DDX60L: variants seen among roughly 807,000 people sequenced by gnomAD.
DDX60L encodes DExD/H-box 60 like.
In DDX60L, 191 loss-of-function variants were observed where a neutral mutation model predicts 211.6. The observed-to-expected ratio is 0.90, with a 90% CI of 0.80 to 1.02. The LOEUF (loss-of-function observed/expected upper bound fraction) is 1.02, where lower values mean the gene tolerates loss of function less well. Among genes scored for constraint, DDX60L ranks in the 50% least tolerant of loss-of-function variants. DDX60L has a pLI of 0.00. For synonymous variants in DDX60L, 706 were observed against 694.1 expected (o/e 1.02, Z -0.27); for missense variants, 2,007 against 1,984.1 (o/e 1.01, Z -0.22).
chr4:168,415,465 T>C lies in DDX60L; in HGVS notation c.2922A>G (p.Lys974=), dbSNP rs542113757. ...AATGATCAAAATAAACATCATCATG[T>C]TTTACTGAACATATATGCTTCTCTA... ...NDLEKHICSV[K]HDDVYFDHFH... Residue 974 remains lysine, a synonymous_variant, in exon 22 of 38, where the codon AAA becomes AAG. Transcript: ENST00000682922. The C allele has an allele frequency of 6.2e-7, 1 of 1,607,422 alleles. No individual in the cohort carries two copies. Among genetic ancestry groups the C allele is most frequent in the East Asian group, 2.2e-5 (1 of 44,486 alleles).
intron 36 of DDX60L, among the ~76,000 whole-genome samples, chr4:168,369,865 A>G (rs1740685056): frequency 6.6e-6 from 1 of 152,216 alleles, no homozygotes. Flanking sequence ...AACCACCATC[A>G]AATACCACCT....
intron 1 of DDX60L, among the ~76,000 whole-genome samples, chr4:168,475,197 T>C (rs1211094912): frequency 6.6e-6 from 1 of 152,214 alleles, no homozygotes; most frequent in Non-Finnish European, 1.5e-5. Context: ...GAATTTGGAA[T>C]ACTATTATTA....
chr4:168,379,336 G>A (rs898326314), intron 32 of DDX60L, 27 bp downstream of exon 32: 9 of 1,484,462 alleles, frequency 6.1e-6, no homozygotes, highest in African/African-American at 2.9e-5. Context: ...GCCATTTTTC[G>A]ACTACAGGTA....
chr4:168,391,423 A>T, intron 29 of DDX60L, 117 bp downstream of exon 29: 1 of 686,006 alleles, frequency 1.5e-6, no homozygotes, highest in Non-Finnish European at 2.6e-6. Context: ...ATGCTATGCC[A>T]CATAGAAAGT....
chr4:168,464,581 T>C (rs962433118), intron 4 of DDX60L, among the ~76,000 whole-genome samples: 1 of 152,008 alleles, frequency 6.6e-6, no homozygotes, highest in Non-Finnish European at 1.5e-5. Flanking sequence ...CCTGGACTAA[T>C]TGCACATATC....
At chr4:168,411,081 C>T (rs1387332) in intron 22 of DDX60L, among the ~76,000 whole-genome samples, 83,697 of 151,904 alleles carry the variant, frequency 0.55, 23,545 homozygotes, top group Middle Eastern at 0.63. Flanking sequence ...AGAATGTATA[C>T]ACACACAATT....
intron 37 of DDX60L, among the ~76,000 whole-genome samples, chr4:168,358,617 C>T (rs182930029): frequency 4.7e-5 from 7 of 149,808 alleles, no homozygotes; most frequent in African/African-American, 1.7e-4. Context: ...ACTGCAACCT[C>T]TGCCTCCTGG....
chr4:168,474,817 G>A (rs1561149060), intron 1 of DDX60L, among the ~76,000 whole-genome samples: 1 of 152,118 alleles, frequency 6.6e-6, no homozygotes, highest in African/African-American at 2.4e-5. Context: ...AACGAGTGGT[G>A]AAAATAATTG....
At chr4:168,404,291 T>C (rs1747359478) in intron 24 of DDX60L, among the ~76,000 whole-genome samples, 185 bp from the exon 25 acceptor site, 1 of 151,812 alleles carries the variant, frequency 6.6e-6, no homozygotes, top group Admixed American at 6.6e-5. Flanking sequence ...CAGACATCTC[T>C]ATACTAAAGA....
intron 29 of DDX60L, 101 bp from the exon 30 acceptor site, chr4:168,384,913 A>T (rs1046047374): frequency 2.4e-5 from 29 of 1,228,616 alleles, no homozygotes; most frequent in Non-Finnish European, 1.5e-5. Context: ...GATTGTGTTA[A>T]ATTGTGTATT....
Position 168,432,508 on chromosome 4 carries a change from T to C in DDX60L, c.1463A>G (p.His488Arg). Reference sequence around the variant, plus strand: ...GTCGTCACTAAGGAGTCTTTGAGCATGCCAGTGCAAAAGTTCATCAGATGT... The same window carrying C: ...GTCGTCACTAAGGAGTCTTTGAGCACGCCAGTGCAAAAGTTCATCAGATGT... The part of the protein sequence containing the change: ...QKTSDELLHW[H>R]AQRLLSDDYD... Residue 488 changes from histidine (H) to arginine (R), a missense_variant, in exon 12 of 38, where the codon CAT (histidine) becomes CGT (arginine). Physicochemically the swap from His to Arg is conservative, Grantham distance 29 (BLOSUM62 0). Coordinates refer to ENST00000682922, the MANE Select transcript of DDX60L (RefSeq NM_001012967.3). 2 of 1,588,578 alleles carry C rather than the reference T, an allele frequency of 1.3e-6. No homozygotes were observed. Among genetic ancestry groups the C allele is most frequent in the South Asian group, 1.1e-5 (1 of 87,776 alleles).
At chr4:168,373,159 C>T (rs958630621) in intron 35 of DDX60L, among the ~76,000 whole-genome samples, 1 of 152,092 alleles carries the variant, frequency 6.6e-6, no homozygotes, top group Non-Finnish European at 1.5e-5. Flanking sequence ...AGCCAGTGCA[C>T]AGTGTCAATC....
chr4:168,472,961 G>A (rs139401274), intron 1 of DDX60L, among the ~76,000 whole-genome samples, 152 bp from the exon 2 acceptor site: 137 of 152,254 alleles, frequency 9.0e-4, no homozygotes, highest in Non-Finnish European at 1.6e-3. Flanking sequence ...TCACAAATGT[G>A]ACAAAAGGCA....
chr4:168,361,337 A>G, intron 36 of DDX60L, 126 bp from the exon 37 acceptor site: 1 of 606,018 alleles, frequency 1.7e-6, no homozygotes, highest in Non-Finnish European at 2.9e-6. Flanking sequence ...CCAGTTAAGC[A>G]TTCTATTGTA....
Position 168,427,170 on chromosome 4 carries a change from A to T in DDX60L, c.1830T>A (p.Asp610Glu). Reference protein sequence around the residue: ...NLHSGIRKLEDYLTSCASNSV... With the variant: ...NLHSGIRKLEEYLTSCASNSV... ...AATTACTTGCACATGATGTCAAATAATCTTCCAATTTCCTTATTCCAGAAT... is the reference window on the plus strand; with the variant it reads ...AATTACTTGCACATGATGTCAAATATTCTTCCAATTTCCTTATTCCAGAAT... The change falls in exon 14 of 38, where the codon GAT becomes GAA. Residue 610 changes from aspartate to glutamate, a missense_variant. Coordinates refer to ENST00000682922, the MANE Select transcript of DDX60L (RefSeq NM_001012967.3). 3 of 1,611,874 alleles carry T rather than the reference A, an allele frequency of 1.9e-6. No individual in the cohort carries two copies. The highest frequency in any genetic ancestry group is 2.5e-6 in the Non-Finnish European group (3 of 1,178,566).
chr4:168,377,079 T>C (rs912041978), intron 33 of DDX60L, among the ~76,000 whole-genome samples: 2 of 152,160 alleles, frequency 1.3e-5, no homozygotes, highest in South Asian at 2.1e-4. Context: ...TCACTTGAGG[T>C]CAGGAGTTTA....
intron 17 of DDX60L, among the ~76,000 whole-genome samples, chr4:168,420,646 T>TG (rs1750428571): frequency 5.0e-5 from 2 of 39,772 alleles, no homozygotes; most frequent in Non-Finnish European, 1.2e-4. Flanking sequence ...ACACATGAGA[T>TG]AGATAGATAG....
intron 10 of DDX60L, among the ~76,000 whole-genome samples, chr4:168,436,062 A>G (rs370462520): frequency 1.3e-5 from 2 of 152,224 alleles, no homozygotes; most frequent in Admixed American, 1.3e-4. Context: ...CCCTCCTACA[A>G]TAAAAAATAA....
Position 168,373,669 on chromosome 4 carries a change from G to A in DDX60L, c.4773C>T (p.Asn1591=), listed in dbSNP as rs556301029. The change falls in exon 35 of 38, where the codon AAC becomes AAT. Residue 1591 remains asparagine, a synonymous_variant. Transcript: ENST00000682922. ...ATAAGATGTATCCTTCACTTACCTGGTTGATAGTCTCTGGTCGAAGCAAAT... is the reference window on the plus strand; with the variant it reads ...ATAAGATGTATCCTTCACTTACCTGATTGATAGTCTCTGGTCGAAGCAAAT... The part of the protein sequence containing the change: ...DNDLLRPETI[N]QVILRTVGVS... The A allele has an allele frequency of 1.2e-6, 2 of 1,613,268 alleles. No individual in the cohort carries two copies. Among genetic ancestry groups the A allele is most frequent in the South Asian group, 2.2e-5 (2 of 91,008 alleles).
Sources: allele counts gnomAD v4.1 joint callset (sites outside exome capture counted in the v4.1 genomes callset), GRCh38; gene constraint gnomAD v4.1.1; transcripts MANE v1.5; gene names NCBI Gene and HGNC (gene_info 2026-07-23, HGNC 2026-07-21).